The following PPP1R12B variants were observed in gnomAD, a reference collection of about 807,000 sequenced individuals.
The protein encoded by PPP1R12B is protein phosphatase 1 regulatory subunit 12B.
A neutral mutation model predicts 126.1 loss-of-function variants in PPP1R12B; 76 were observed. The ratio of observed to expected loss-of-function variants is 0.60; its 90% CI spans 0.50 to 0.73. The LOEUF (loss-of-function observed/expected upper bound fraction) is 0.73, where lower values mean the gene tolerates loss of function less well. PPP1R12B is among the 30% of genes least tolerant of loss of function. The probability of loss-of-function intolerance (pLI) is 0.00; values close to 1 mark genes in which losing one functional copy is unlikely to be tolerated. For missense variants in PPP1R12B, 1,052 were observed against 1,205.1 expected (o/e 0.87, Z 1.88); for synonymous variants, 356 against 434.7 (o/e 0.82, Z 2.25).
chr1:202,427,012 T>C (rs781445625), intron 4 of PPP1R12B, 28 bp from the exon 5 acceptor site: 10 of 1,604,148 alleles, frequency 6.2e-6, no homozygotes, highest in South Asian at 1.1e-5. Context: ...ACAGAAGATA[T>C]ATGTCTTGTT....
intron 13 of PPP1R12B, among the ~76,000 whole-genome samples, chr1:202,467,692 A>G (rs1402981071): frequency 3.3e-5 from 5 of 152,204 alleles, no homozygotes; most frequent in Non-Finnish European, 5.9e-5. Flanking sequence ...ATATGTGTGC[A>G]TGTGTCTTTA....
chr1:202,528,348 G>A (rs1188698747), intron 18 of PPP1R12B, among the ~76,000 whole-genome samples: 25 of 152,216 alleles, frequency 1.6e-4, no homozygotes, highest in Non-Finnish European at 7.3e-5. Flanking sequence ...TGTGCTCAAA[G>A]AGAACAATTT....
chr1:202,372,163 G>A (rs1256535477), intron 1 of PPP1R12B, among the ~76,000 whole-genome samples: 3 of 151,968 alleles, frequency 2.0e-5, no homozygotes, highest in Admixed American at 6.6e-5. Context: ...GAGCCACTGC[G>A]CCCAGCCCCT....
At chr1:202,351,650 G>A (rs1218468401) in intron 1 of PPP1R12B, among the ~76,000 whole-genome samples, 1 of 152,232 alleles carries the variant, frequency 6.6e-6, no homozygotes, top group Admixed American at 6.5e-5. Flanking sequence ...GAAATGGAGA[G>A]TGAGTGGTAC....
intron 18 of PPP1R12B, among the ~76,000 whole-genome samples, chr1:202,529,899 A>T (rs1261412768): frequency 3.3e-5 from 5 of 152,196 alleles, no homozygotes; most frequent in African/African-American, 1.2e-4. Flanking sequence ...TAATTTCTGT[A>T]CAACTGCACA....
intron 18 of PPP1R12B, among the ~76,000 whole-genome samples, chr1:202,539,526 TTATA>T (rs2148958990): frequency 6.6e-6 from 1 of 152,344 alleles, no homozygotes; most frequent in Non-Finnish European, 1.5e-5. Flanking sequence ...TGCTTCCTTC[TTATA>T]AACTCTTGGT....
At position 202,564,454 on chromosome 1, in the gene PPP1R12B, T is replaced by G. The variant is rs775897283; in HGVS notation, c.2664T>G (p.Ser888Arg). ...SNRDYKKLYESALTENQKLKT... is the reference protein window; with the variant it reads ...SNRDYKKLYERALTENQKLKT... Reference sequence around the variant, plus strand: ...TCCCTCTCCTCTAGCTCTATGAGAGTGCTCTGACTGAAAACCAAAAACTGA... The same window carrying G: ...TCCCTCTCCTCTAGCTCTATGAGAGGGCTCTGACTGAAAACCAAAAACTGA... Residue 888 changes from serine to arginine, a missense_variant, in exon 21 of 24, where the codon AGT becomes AGG. Coordinates refer to ENST00000608999, the MANE Select transcript of PPP1R12B (RefSeq NM_002481.4). 6.2e-7 allele frequency: 1 copy of G among 1,609,376 alleles called. No individual in the cohort carries two copies. Among genetic ancestry groups the G allele is most frequent in the Non-Finnish European group, 8.5e-7 (1 of 1,177,220 alleles).
intron 18 of PPP1R12B, among the ~76,000 whole-genome samples, chr1:202,526,927 A>T (rs753220761): frequency 3.3e-5 from 5 of 152,206 alleles, no homozygotes; most frequent in Admixed American, 6.5e-5. Context: ...TAGATCTTGT[A>T]GAGTAGCTAA....
intron 13 of PPP1R12B, among the ~76,000 whole-genome samples, chr1:202,476,728 T>G (rs10920410): frequency 0.43 from 65,705 of 151,402 alleles, 15,606 homozygotes; most frequent in East Asian, 0.71. Context: ...TACTACAAGA[T>G]ACATCTATAA....
intron 1 of PPP1R12B, among the ~76,000 whole-genome samples, chr1:202,403,250 C>T (rs1316384865): frequency 1.3e-5 from 2 of 152,048 alleles, no homozygotes; most frequent in African/African-American, 2.4e-5. Context: ...GAATCTGGCC[C>T]CAGTGTTGTA....
chr1:202,440,691 G>C lies in PPP1R12B; in HGVS notation c.1459-15G>C. 2.5e-6 allele frequency: 4 copies of C among 1,600,570 alleles called. No individual in the cohort carries two copies. The highest frequency in any genetic ancestry group is 1.7e-4 in the Middle Eastern group (1 of 6,032). On this transcript the variant is annotated splice_polypyrimidine_tract_variant and intron_variant, in intron 10 of 23. Transcript: ENST00000608999. The stretch of plus-strand genomic sequence containing the variant: ...ATTGTACCTTTCTTGTGCTTTACTT[G>C]TTTTTATTTTACAGGAGAGAGAAAA...
At chr1:202,491,965 C>A (rs954328076) in intron 14 of PPP1R12B, among the ~76,000 whole-genome samples, 11 of 152,154 alleles carry the variant, frequency 7.2e-5, no homozygotes, top group African/African-American at 2.7e-4. Flanking sequence ...CTCTCTCTGT[C>A]CTCCAACTTT....
At chr1:202,350,161 A>G (rs1187396689) in intron 1 of PPP1R12B, among the ~76,000 whole-genome samples, 3 of 152,222 alleles carry the variant, frequency 2.0e-5, no homozygotes, top group Non-Finnish European at 4.4e-5. Flanking sequence ...TATTTAGCCA[A>G]TAGCTTAAAA....
chr1:202,567,946 C>A, intron 22 of PPP1R12B, 115 bp downstream of exon 22: 1 of 1,230,194 alleles, frequency 8.1e-7, no homozygotes, highest in Non-Finnish European at 1.2e-6. Flanking sequence ...GGGAGTTCTG[C>A]CACATTCCAT....
intron 1 of PPP1R12B, among the ~76,000 whole-genome samples, chr1:202,362,515 C>CT (rs1485109819): frequency 2.0e-4 from 31 of 152,256 alleles, no homozygotes; most frequent in African/African-American, 6.7e-4. Context: ...TGCTAGAACT[C>CT]TAAGTGCTTA....
At chr1:202,439,391 G>A in intron 10 of PPP1R12B, 3 of 1,238,668 alleles carry the variant, frequency 2.4e-6, no homozygotes, top group Non-Finnish European at 3.5e-6. Context: ...AGAAGCACGC[G>A]GCACAGCGGA....
chr1:202,357,737 C>CAGTG (rs1198642773), intron 1 of PPP1R12B, among the ~76,000 whole-genome samples: 1 of 152,144 alleles, frequency 6.6e-6, no homozygotes, highest in East Asian at 1.9e-4. Context: ...CTTGGGGGAA[C>CAGTG]AGTGATAGGG....
At chr1:202,517,474 A>G (rs1682286404) in intron 18 of PPP1R12B, among the ~76,000 whole-genome samples, 1 of 152,190 alleles carries the variant, frequency 6.6e-6, no homozygotes, top group Admixed American at 6.5e-5. Flanking sequence ...TGGGGCTTTT[A>G]TTGTTACTGC....
Position 202,580,888 on chromosome 1 carries a change from T to C in PPP1R12B, c.*328T>C, listed in dbSNP as rs1689513027. ...CTGCTGCTCAGCTACTTTGTCCACA[T>C]TGGATTTGGTCCAAACATGTAAGAC... is the stretch of plus-strand genomic sequence containing the variant. On this transcript the variant is annotated 3_prime_UTR_variant, in exon 24 of 24. Transcript: ENST00000608999. 1 of 274,146 alleles carries C rather than the reference T, an allele frequency of 3.6e-6. No homozygotes were observed. Among genetic ancestry groups the C allele is most frequent in the African/African-American group, 2.2e-5 (1 of 46,454 alleles). The allele number at this position is 274,146 out of a possible 1,614,324, so 17.0% of individuals were successfully genotyped here. A position where few individuals can be genotyped will look rare whatever the true frequency, so the allele number is the denominator to read the frequency against.
Sources: allele counts gnomAD v4.1 joint callset (sites outside exome capture counted in the v4.1 genomes callset), GRCh38; gene constraint gnomAD v4.1.1; transcripts MANE v1.5; gene names NCBI Gene and HGNC (gene_info 2026-07-23, HGNC 2026-07-21).